The following IFT57 variants were observed in gnomAD, a reference collection of about 807,000 sequenced individuals.
IFT57 encodes the protein intraflagellar transport 57.
IFT57 carries 59 observed loss-of-function variants against 56.8 expected under a neutral mutation model. That is an observed-to-expected ratio of 1.04 (90% CI 0.84 to 1.29). The LOEUF is 1.29. Among genes scored for constraint, IFT57 ranks in the 50% most tolerant of loss-of-function variants. The pLI is 0.00. For missense variants in IFT57, 470 were observed against 522.1 expected (o/e 0.90, Z 0.97); for synonymous variants, 209 against 186.1 (o/e 1.12, Z -1.00).
rs539636340 is a variant in IFT57, at chr3:108,201,592, G to C, written c.654+5036C>G. 5.3e-5 allele frequency among the ~76,000 whole-genome samples: 8 copies of C among 152,166 alleles called. 1 individual carries two copies. The highest frequency in any genetic ancestry group is 1.9e-4 in the African/African-American group (8 of 41,540). On this transcript the variant is annotated intron_variant, in intron 5 of 10. Transcript: ENST00000264538. The stretch of plus-strand genomic sequence containing the variant: ...GACTTCTCTCATAACACAGATAGGA[G>C]GCCTAACACTCAACTGTTTTAGGAA...
rs1204278117 is a variant in IFT57, at chr3:108,187,954, T to TTTA, written c.777+3566_777+3567insTAA. 4.1e-3 allele frequency among the ~76,000 whole-genome samples: 627 copies of TTTA among 151,994 alleles called. 2 individuals are homozygous for TTTA. Among genetic ancestry groups the TTTA allele is most frequent in the African/African-American group, 0.015 (602 of 41,402 alleles). ...AACAAAGGTTTTTGTTTTTTTTTTTTATACTTTAAGTTTCAGGGTACATGT... is the reference window on the plus strand; with the variant it reads ...AACAAAGGTTTTTGTTTTTTTTTTTTTTAATACTTTAAGTTTCAGGGTACATGT... On this transcript the variant is annotated intron_variant, in intron 6 of 10. Transcript: ENST00000264538.
At chr3:108,171,439 C>T (rs1230660109) in intron 6 of IFT57, among the ~76,000 whole-genome samples, 1 of 151,878 alleles carries the variant, frequency 6.6e-6, no homozygotes, top group African/African-American at 2.4e-5. Context: ...TCAGCACTTT[C>T]CTTTATCCTT....
chr3:108,180,549 TC>T (rs1204289614), intron 6 of IFT57, among the ~76,000 whole-genome samples: 3 of 151,852 alleles, frequency 2.0e-5, no homozygotes, highest in African/African-American at 7.2e-5. Flanking sequence ...CCCCACTTCC[TC>T]CCAGCTCAAA....
At chr3:108,209,711 C>T (rs1576048617) in intron 4 of IFT57, among the ~76,000 whole-genome samples, 1 of 152,292 alleles carries the variant, frequency 6.6e-6, no homozygotes, top group South Asian at 2.1e-4. Flanking sequence ...TTATCTTTGC[C>T]TCATTGTCAC....
At chr3:108,204,723 A>G (rs1257230950) in intron 5 of IFT57, among the ~76,000 whole-genome samples, 1 of 152,210 alleles carries the variant, frequency 6.6e-6, no homozygotes, top group Non-Finnish European at 1.5e-5. Context: ...ATCAAAACAT[A>G]TCTACACCTT....
intron 6 of IFT57, among the ~76,000 whole-genome samples, chr3:108,190,444 G>T (rs1576039740): frequency 6.6e-6 from 1 of 152,276 alleles, no homozygotes; most frequent in African/African-American, 2.4e-5. Flanking sequence ...AAGTGAGTGA[G>T]TTCTCACAAG....
At position 108,219,552 on chromosome 3, in the gene IFT57, G is replaced by A. The variant is rs1411675171; in HGVS notation, c.233C>T (p.Thr78Ile). Residue 78 changes from threonine (T) to isoleucine (I), a missense_variant, in exon 2 of 11, where the codon ACC (threonine) becomes ATC (isoleucine). By Grantham distance (89) the Thr-to-Ile change is moderately conservative. Coordinates refer to ENST00000264538, the MANE Select transcript of IFT57 (RefSeq NM_018010.4). ...CATGTAGAACTGTTCGCCAGGGTTG[G>A]TAGGCAGTGCAAAATAGTGTCTGTT... ...APSRHYFALP[T>I]NPGEQFYMFC... 6.2e-7 allele frequency: 1 copy of A among 1,613,950 alleles called. No homozygotes were observed. The highest frequency in any genetic ancestry group is 8.5e-7 in the Non-Finnish European group (1 of 1,179,860).
intron 6 of IFT57, among the ~76,000 whole-genome samples, chr3:108,177,960 A>G (rs1243429572): frequency 6.6e-6 from 1 of 151,808 alleles, no homozygotes; most frequent in African/African-American, 2.4e-5. Flanking sequence ...TACTGTTTAA[A>G]GTGAATTTAA....
At chr3:108,204,163 T>C (rs751986864) in intron 5 of IFT57, among the ~76,000 whole-genome samples, 8 of 152,182 alleles carry the variant, frequency 5.3e-5, no homozygotes, top group Non-Finnish European at 1.2e-4. Flanking sequence ...ATGGCTTTAG[T>C]GGGCAATATC....
intron 5 of IFT57, among the ~76,000 whole-genome samples, chr3:108,205,225 A>C (rs1187054777): frequency 6.6e-6 from 1 of 152,118 alleles, no homozygotes; most frequent in Non-Finnish European, 1.5e-5. Context: ...TCTATGTGAC[A>C]GATATTATTA....
intron 5 of IFT57, among the ~76,000 whole-genome samples, chr3:108,195,635 A>C (rs1447123048): frequency 6.6e-6 from 1 of 152,208 alleles, no homozygotes; most frequent in Admixed American, 6.5e-5. Flanking sequence ...GATATTATTT[A>C]GCCATAAAAA....
At chr3:108,191,795 G>T in intron 5 of IFT57, 152 bp from the exon 6 acceptor site, 1 of 496,258 alleles carries the variant, frequency 2.0e-6, no homozygotes, top group Non-Finnish European at 3.4e-6. Context: ...TTCCTACAAT[G>T]TTGAAAGAAA....
intron 6 of IFT57, among the ~76,000 whole-genome samples, chr3:108,190,598 T>C (rs1032527316): frequency 1.3e-5 from 2 of 152,200 alleles, no homozygotes; most frequent in South Asian, 2.1e-4. Flanking sequence ...CATGCTGAAC[T>C]ATGAGTCAAT....
In IFT57 at chr3:108,179,793, T is replaced by C. The variant is rs553599944; in HGVS notation, c.777+11728A>G. ...AATGTGGCTTTCCTAAATTTTTAAA[T>C]CTGACATTTTTTTCTTCCATTGCCA... On this transcript the variant is annotated intron_variant, in intron 6 of 10. Coordinates refer to ENST00000264538, the MANE Select transcript of IFT57 (RefSeq NM_018010.4). 5.9e-5 allele frequency among the ~76,000 whole-genome samples: 9 copies of C among 152,148 alleles called. No homozygotes were observed. In the South Asian group the frequency reaches 1.7e-3, roughly 28 times the overall value.
chr3:108,175,408 C>T (rs1224709273), intron 6 of IFT57, among the ~76,000 whole-genome samples: 1 of 151,748 alleles, frequency 6.6e-6, no homozygotes, highest in Non-Finnish European at 1.5e-5. Context: ...CCATAGATCC[C>T]CTCCCCACTC....
chr3:108,204,525 C>G (rs1374627359), intron 5 of IFT57, among the ~76,000 whole-genome samples: 1 of 152,178 alleles, frequency 6.6e-6, no homozygotes, highest in East Asian at 1.9e-4. Context: ...GTGGCCTTCA[C>G]AGTTCTCTGT....
intron 6 of IFT57, among the ~76,000 whole-genome samples, chr3:108,189,889 A>G (rs1046354651): frequency 2.0e-5 from 3 of 150,064 alleles, no homozygotes; most frequent in Admixed American, 6.7e-5. Context: ...TAAAGAAAAT[A>G]TTAAGAAAAT....
intron 6 of IFT57, among the ~76,000 whole-genome samples, chr3:108,172,142 A>G (rs1268920319): frequency 1.3e-5 from 2 of 151,906 alleles, no homozygotes; most frequent in Non-Finnish European, 2.9e-5. Flanking sequence ...ACACTGATGT[A>G]AAACTCCATG....
At chr3:108,206,985 A>G (rs1360052733) in intron 4 of IFT57, among the ~76,000 whole-genome samples, 3 of 152,318 alleles carry the variant, frequency 2.0e-5, no homozygotes, top group Non-Finnish European at 4.4e-5. Context: ...CCATTGCTAT[A>G]GAACTACAGA....
Sources: allele counts gnomAD v4.1 joint callset (sites outside exome capture counted in the v4.1 genomes callset), GRCh38; gene constraint gnomAD v4.1.1; transcripts MANE v1.5; gene names NCBI Gene and HGNC (gene_info 2026-07-23, HGNC 2026-07-21).